The following ANTXR1 variants were observed in gnomAD, a reference collection of about 807,000 sequenced individuals.
The protein encoded by ANTXR1 is ANTXR cell adhesion molecule 1.
ANTXR1 carries 19 observed loss-of-function variants against 78.1 expected under a neutral mutation model. That is an observed-to-expected ratio of 0.24 (90% CI 0.17 to 0.36). ANTXR1 has a LOEUF of 0.36. ANTXR1 is among the 10% of genes least tolerant of loss of function. The probability of loss-of-function intolerance (pLI) is 1.00; values close to 1 mark genes in which losing one functional copy is unlikely to be tolerated. For missense variants in ANTXR1, 518 were observed against 718.6 expected (o/e 0.72, Z 3.19); for synonymous variants, 273 against 260.5 (o/e 1.05, Z -0.46).
At chr2:69,231,071 T>C (rs770528592) in intron 17 of ANTXR1, among the ~76,000 whole-genome samples, 7 of 152,228 alleles carry the variant, frequency 4.6e-5, no homozygotes, top group Admixed American at 1.3e-4. Flanking sequence ...GGTTTTCTGT[T>C]CCTGCTTTAG....
intron 16 of ANTXR1, 102 bp downstream of exon 16, chr2:69,182,762 C>G: frequency 1.4e-6 from 2 of 1,430,966 alleles, no homozygotes; most frequent in Non-Finnish European, 2.0e-6. Flanking sequence ...ACCTAAAACC[C>G]AGCTTATCAC....
At chr2:69,094,025 T>C (rs1671319606) in intron 9 of ANTXR1, among the ~76,000 whole-genome samples, 1 of 152,202 alleles carries the variant, frequency 6.6e-6, no homozygotes, top group Non-Finnish European at 1.5e-5. Flanking sequence ...CCAAAAGATA[T>C]CCTTACATCA....
chr2:69,049,226 C>G (rs1446600563), intron 3 of ANTXR1, among the ~76,000 whole-genome samples: 1 of 151,880 alleles, frequency 6.6e-6, no homozygotes, highest in Non-Finnish European at 1.5e-5. Flanking sequence ...ATCCCCATCC[C>G]CTGCCAAAAA....
At chr2:69,095,322 A>G (rs1157445472) in intron 9 of ANTXR1, among the ~76,000 whole-genome samples, 1 of 152,168 alleles carries the variant, frequency 6.6e-6, no homozygotes, top group African/African-American at 2.4e-5. Context: ...AAAAATGCAT[A>G]AGACTTAGTC....
intron 9 of ANTXR1, among the ~76,000 whole-genome samples, chr2:69,100,279 T>G (rs1420778027): frequency 6.6e-6 from 1 of 152,244 alleles, no homozygotes; most frequent in Non-Finnish European, 1.5e-5. Context: ...CTAGTCAGGC[T>G]GCTGGGCCAG....
intron 8 of ANTXR1, among the ~76,000 whole-genome samples, chr2:69,086,043 A>G (rs764992706): frequency 6.6e-6 from 1 of 152,248 alleles, no homozygotes; most frequent in Non-Finnish European, 1.5e-5. Context: ...TTTCTGAAAT[A>G]TGTGTGAAAG....
chr2:69,157,469 C>G (rs997105147), intron 13 of ANTXR1, among the ~76,000 whole-genome samples: 8 of 151,916 alleles, frequency 5.3e-5, no homozygotes, highest in Non-Finnish European at 7.4e-5. Context: ...CAACATACCC[C>G]CCACTGAACT....
chr2:69,143,944 T>A (rs1673145497), intron 12 of ANTXR1, among the ~76,000 whole-genome samples: 1 of 152,150 alleles, frequency 6.6e-6, no homozygotes, highest in African/African-American at 2.4e-5. Context: ...ATCCCTAAGG[T>A]GCCTACCAGA....
intron 3 of ANTXR1, among the ~76,000 whole-genome samples, chr2:69,054,761 C>G (rs1284876884): frequency 6.6e-6 from 1 of 152,084 alleles, no homozygotes; most frequent in African/African-American, 2.4e-5. Context: ...GTTCTAAAGG[C>G]CTTTTCTAAA....
intron 10 of ANTXR1, among the ~76,000 whole-genome samples, chr2:69,112,312 G>A (rs1672016348): frequency 6.6e-6 from 1 of 152,140 alleles, no homozygotes; most frequent in Non-Finnish European, 1.5e-5. Context: ...GAGATGAAGT[G>A]CCCAAGTTCG....
At chr2:69,174,674 G>C (rs906537285) in intron 14 of ANTXR1, among the ~76,000 whole-genome samples, 3 of 151,974 alleles carry the variant, frequency 2.0e-5, no homozygotes, top group African/African-American at 7.2e-5. Context: ...TTATAAAGTT[G>C]GTGACCTAAT....
chr2:69,181,786 G>A lies in ANTXR1; in HGVS notation c.1090G>A (p.Glu364Lys), dbSNP rs1399503613. The change falls in exon 15 of 18, where the codon GAA becomes AAA. Residue 364 changes from glutamate to lysine, a missense_variant and splice_region_variant. Transcript: ENST00000303714. ...TTCATGTGCCACAATTTCTCTGCAG[G>A]AAGAAGATGATGATGGTCTGCCTAA... ...VPPPPAEESE[E>K]EDDDGLPKKK... The A allele has an allele frequency of 6.2e-7, 1 of 1,613,928 alleles. No individual in the cohort carries two copies. The highest frequency in any genetic ancestry group is 1.3e-5 in the African/African-American group (1 of 74,936).
chr2:69,023,252 C>T (rs1276374890), intron 1 of ANTXR1, among the ~76,000 whole-genome samples: 3 of 148,240 alleles, frequency 2.0e-5, no homozygotes, highest in African/African-American at 5.3e-5. Context: ...AGTGCTGAGA[C>T]GATAGATGGT....
chr2:69,026,002 A>G (rs1046969781), intron 1 of ANTXR1, among the ~76,000 whole-genome samples: 1 of 152,082 alleles, frequency 6.6e-6, no homozygotes, highest in Non-Finnish European at 1.5e-5. Context: ...CCATTTCAGC[A>G]CTCCTGCTTC....
chr2:69,244,724 T>C (rs1675972653), intron 17 of ANTXR1, among the ~76,000 whole-genome samples: 2 of 152,198 alleles, frequency 1.3e-5, no homozygotes, highest in Non-Finnish European at 2.9e-5. Context: ...TAAATTACTT[T>C]TGTTTATGAA....
intron 17 of ANTXR1, among the ~76,000 whole-genome samples, chr2:69,223,162 G>A (rs1424059339): frequency 6.6e-6 from 1 of 152,218 alleles, no homozygotes; most frequent in East Asian, 1.9e-4. Context: ...CAGGCTGGCA[G>A]ATGGCCCAGG....
chr2:69,196,333 C>T (rs1230490935), intron 17 of ANTXR1, among the ~76,000 whole-genome samples: 1 of 152,216 alleles, frequency 6.6e-6, no homozygotes, highest in Non-Finnish European at 1.5e-5. Context: ...TTTAAGTGCC[C>T]TTTCTTTATG....
chr2:69,116,885 G>C (rs1353172941), intron 10 of ANTXR1, among the ~76,000 whole-genome samples: 1 of 152,192 alleles, frequency 6.6e-6, no homozygotes, highest in Non-Finnish European at 1.5e-5. Flanking sequence ...TGTTTGAATT[G>C]GCTAATGAAT....
intron 10 of ANTXR1, among the ~76,000 whole-genome samples, chr2:69,118,407 G>A (rs1672224922): frequency 1.3e-5 from 2 of 152,012 alleles, no homozygotes; most frequent in African/African-American, 2.4e-5. Context: ...CGGCAGCCTG[G>A]GCAGCAGAGG....
Sources: allele counts gnomAD v4.1 joint callset (sites outside exome capture counted in the v4.1 genomes callset), GRCh38; gene constraint gnomAD v4.1.1; transcripts MANE v1.5; gene names NCBI Gene and HGNC (gene_info 2026-07-23, HGNC 2026-07-21).